PM20D2: variants seen among roughly 807,000 people sequenced by gnomAD.
PM20D2 encodes the protein xaa-Arg dipeptidase.
Under a neutral mutation model 42.9 loss-of-function variants are expected in PM20D2, and 33 were observed. The ratio of observed to expected loss-of-function variants is 0.77; its 90% CI spans 0.58 to 1.03. The LOEUF is 1.03. PM20D2 is among the 50% of genes least tolerant of loss of function. PM20D2 has a pLI of 0.00. For synonymous variants in PM20D2, 250 were observed against 228.2 expected, an observed-to-expected ratio of 1.10 and a Z score of -0.86; for missense variants, 548 against 557.0, an observed-to-expected ratio of 0.98 and a Z score of 0.16.
At chr6:89,095,237 T>C in the PM20D2 span, among the ~76,000 whole-genome samples, 2 of 152,224 alleles carry the variant, frequency 1.3e-5, no homozygotes, top group African/African-American at 4.8e-5. Flanking sequence ...TAATTTTATT[T>C]ATTTTTGAGA....
the PM20D2 span, among the ~76,000 whole-genome samples, chr6:89,113,480 T>C: frequency 0.023 from 3,441 of 152,210 alleles, 77 homozygotes; most frequent in African/African-American, 0.063. Flanking sequence ...CCCAATTTTT[T>C]CTATTATTAG....
At chr6:89,116,363 T>C in the PM20D2 span, among the ~76,000 whole-genome samples, 1 of 152,358 alleles carries the variant, frequency 6.6e-6, no homozygotes, top group African/African-American at 2.4e-5. Context: ...GTGTTTTCTA[T>C]GTAATATATT....
the PM20D2 span, among the ~76,000 whole-genome samples, chr6:89,131,458 C>CT: frequency 0.64 from 96,365 of 151,580 alleles, 31,617 homozygotes; most frequent in South Asian, 0.76. Context: ...GAGACTGAGG[C>CT]GGGAAGATAA....
At chr6:89,147,979 CTTTTTTTTTTTT>C (rs397888770) in intron 1 of PM20D2, among the ~76,000 whole-genome samples, 1 of 95,178 alleles carries the variant, frequency 1.1e-5, no homozygotes, top group South Asian at 3.7e-4. Context: ...AATGTACACT[CTTTTTTTTTTTT>C]TTTTTTTTTT....
chr6:89,099,458 ATATATGTGTGTG>A, the PM20D2 span, among the ~76,000 whole-genome samples: 1 of 146,324 alleles, frequency 6.8e-6, no homozygotes, highest in Admixed American at 6.8e-5. Flanking sequence ...ATATGTGTGT[ATATATGTGTGTG>A]TATATATATA....
chr6:89,102,130 T>G, the PM20D2 span, among the ~76,000 whole-genome samples: 753 of 150,734 alleles, frequency 5.0e-3, 3 homozygotes, highest in Non-Finnish European at 7.0e-3. Context: ...ATGTAGAGCC[T>G]CTTCAATTTT....
At chr6:89,135,076 T>G in the PM20D2 span, among the ~76,000 whole-genome samples, 1 of 151,096 alleles carries the variant, frequency 6.6e-6, no homozygotes, top group Non-Finnish European at 1.5e-5. Flanking sequence ...ATGGGTGCAC[T>G]GGCTTGCTGA....
chr6:89,139,043 A>C, the PM20D2 span, among the ~76,000 whole-genome samples: 2 of 152,130 alleles, frequency 1.3e-5, no homozygotes, highest in African/African-American at 4.8e-5. Context: ...AAAACTTAAT[A>C]TTAGAGCAAA....
chr6:89,121,360 C>T, the PM20D2 span, among the ~76,000 whole-genome samples: 2 of 152,040 alleles, frequency 1.3e-5, no homozygotes, highest in Non-Finnish European at 1.5e-5. Flanking sequence ...AGAACATCGT[C>T]GGGCACGGCC....
upstream of PM20D2, among the ~76,000 whole-genome samples, chr6:89,145,429 C>G (rs559891879): frequency 4.3e-4 from 65 of 152,212 alleles, no homozygotes; most frequent in Non-Finnish European, 7.9e-4. Context: ...TCTTTTAACT[C>G]TTTGGTTTTA....
At chr6:89,101,407 G>A in the PM20D2 span, among the ~76,000 whole-genome samples, 4 of 152,108 alleles carry the variant, frequency 2.6e-5, no homozygotes, top group Non-Finnish European at 4.4e-5. Flanking sequence ...TGAAACTGAT[G>A]AAAACCAAAG....
intron 2 of PM20D2, among the ~76,000 whole-genome samples, chr6:89,152,107 T>C (rs905221458): frequency 3.3e-5 from 5 of 151,482 alleles, no homozygotes; most frequent in Admixed American, 1.3e-4. Context: ...AAAAAAAAAA[T>C]TCATTTCAAG....
At chr6:89,145,687 A>T (rs2127771650), upstream of PM20D2, among the ~76,000 whole-genome samples, 1 of 152,354 alleles carries the variant, frequency 6.6e-6, no homozygotes, top group African/African-American at 2.4e-5. Context: ...TTCAGGAAAT[A>T]CAAACCTTGT....
At chr6:89,135,115 A>G in the PM20D2 span, among the ~76,000 whole-genome samples, 1 of 151,118 alleles carries the variant, frequency 6.6e-6, no homozygotes, top group African/African-American at 2.5e-5. Context: ...ACTAACAACT[A>G]TTGCTACAGA....
chr6:89,115,722 C>T, the PM20D2 span, among the ~76,000 whole-genome samples: 2 of 150,996 alleles, frequency 1.3e-5, no homozygotes, highest in Admixed American at 1.3e-4. Context: ...CTGCAAGCTC[C>T]GCCTCCCGGG....
rs954071512 is a variant in PM20D2 at position 89,163,729 on chromosome 6, A to T, written c.*1466A>T. The T allele has an allele frequency of 6.6e-6, 1 of 152,234 alleles. No homozygotes were observed. Among genetic ancestry groups the T allele is most frequent in the African/African-American group, 2.4e-5 (1 of 41,468 alleles). 9.4% of individuals were successfully genotyped at this position (152,234 alleles called of 1,614,324 possible). A position where few individuals can be genotyped will look rare whatever the true frequency, so the allele number is the denominator to read the frequency against. On this transcript the variant is annotated 3_prime_UTR_variant, in exon 7 of 7. Transcript: ENST00000275072. ...AATACTGAATTAGTTTCTAAACTAA[A>T]CTAGAGGTATAGGTGGACCTGCTTG...
chr6:89,125,719 G>A, the PM20D2 span, among the ~76,000 whole-genome samples: 1 of 150,890 alleles, frequency 6.6e-6, no homozygotes, highest in East Asian at 2.0e-4. Context: ...GTAGGCGGAC[G>A]TTGCAGTGAG....
chr6:89,124,584 G>A, the PM20D2 span, among the ~76,000 whole-genome samples: 7 of 152,138 alleles, frequency 4.6e-5, no homozygotes, highest in African/African-American at 1.7e-4. Context: ...ATTCACCCAG[G>A]AATAAAAAAA....
chr6:89,107,301 G>T, the PM20D2 span: 4 of 1,485,778 alleles, frequency 2.7e-6, no homozygotes, highest in Middle Eastern at 1.8e-4. Context: ...TGAATAGCTG[G>T]ATTAAAATAT....
Sources: allele counts gnomAD v4.1 joint callset (sites outside exome capture counted in the v4.1 genomes callset), GRCh38; gene constraint gnomAD v4.1.1; transcripts MANE v1.5; gene names NCBI Gene and HGNC (gene_info 2026-07-23, HGNC 2026-07-21).